The following MEF2C variants were observed in gnomAD, a reference collection of about 807,000 sequenced individuals.
MEF2C encodes the protein myocyte-specific enhancer factor 2C.
In MEF2C, 6 loss-of-function variants were observed where a neutral mutation model predicts 50.5. The ratio of observed to expected loss-of-function variants is 0.12; its 90% CI spans 0.07 to 0.23. The LOEUF is 0.23. MEF2C is among the 10% of genes least tolerant of loss of function. The probability of loss-of-function intolerance (pLI) is 1.00; values close to 1 mark genes in which losing one functional copy is unlikely to be tolerated. For synonymous variants in MEF2C, 183 were observed against 228.0 expected (o/e 0.80, Z 1.78); for missense variants, 276 against 605.0 (o/e 0.46, Z 5.70).
intron 3 of MEF2C, among the ~76,000 whole-genome samples, chr5:88,770,391 C>A (rs1781856797): frequency 6.6e-6 from 1 of 152,058 alleles, no homozygotes; most frequent in Non-Finnish European, 1.5e-5. Flanking sequence ...TTGTAAATGC[C>A]TTTTTATTCA....
At chr5:88,794,977 C>A (rs573233724) in intron 3 of MEF2C, among the ~76,000 whole-genome samples, 1 of 151,984 alleles carries the variant, frequency 6.6e-6, no homozygotes, top group Admixed American at 6.6e-5. Context: ...ATTTCTGAGG[C>A]CTCTGTTCTG....
At chr5:88,880,025 C>T (rs534843766) in intron 1 of MEF2C, among the ~76,000 whole-genome samples, 1 of 149,378 alleles carries the variant, frequency 6.7e-6, no homozygotes, top group Non-Finnish European at 1.5e-5. Context: ...GGTGAACAGT[C>T]AAGCTTTACT....
intron 1 of MEF2C, among the ~76,000 whole-genome samples, chr5:88,860,889 A>C (rs1825270584): frequency 6.6e-6 from 1 of 152,164 alleles, no homozygotes; most frequent in Non-Finnish European, 1.5e-5. Context: ...TCTGGCTAAT[A>C]CCCAAACTAA....
At chr5:88,809,853 G>A (rs992259245) in intron 2 of MEF2C, among the ~76,000 whole-genome samples, 2 of 152,096 alleles carry the variant, frequency 1.3e-5, no homozygotes, top group African/African-American at 4.8e-5. Context: ...GTAAGGGTTA[G>A]TTTAAATGCC....
chr5:88,738,710 C>A, intron 6 of MEF2C: 2 of 985,318 alleles, frequency 2.0e-6, no homozygotes, highest in Non-Finnish European at 2.4e-6. Context: ...CAACTAGGGA[C>A]AGGACAGTCA....
At chr5:88,801,588 G>T (rs1219327877) in intron 3 of MEF2C, among the ~76,000 whole-genome samples, 1 of 151,352 alleles carries the variant, frequency 6.6e-6, no homozygotes, top group Non-Finnish European at 1.5e-5. Flanking sequence ...TCCCTCCCGT[G>T]TTCAGGCCAT....
intron 3 of MEF2C, among the ~76,000 whole-genome samples, chr5:88,784,804 A>C (rs147733333): frequency 2.0e-5 from 3 of 152,308 alleles, no homozygotes; most frequent in Non-Finnish European, 4.4e-5. Context: ...TCTAGGTTGA[A>C]AATGGTTTCG....
At chr5:88,790,097 T>C (rs1793004151) in intron 3 of MEF2C, among the ~76,000 whole-genome samples, 1 of 152,168 alleles carries the variant, frequency 6.6e-6, no homozygotes, top group Non-Finnish European at 1.5e-5. Flanking sequence ...GGGCACACAC[T>C]AAGGAGTGAA....
At chr5:88,765,877 G>A (rs937768232) in intron 3 of MEF2C, among the ~76,000 whole-genome samples, 1 of 152,202 alleles carries the variant, frequency 6.6e-6, no homozygotes, top group Non-Finnish European at 1.5e-5. Flanking sequence ...TAAATCTTGA[G>A]CAAGCCTGTA....
In MEF2C at chr5:88,718,174, C is replaced by A. The variant is rs985844225; in HGVS notation, c.*4430G>T. ...GTGGCATAAGCTGCTTTTTAAAAAA[C>A]ACAATAAAATTGAATAAATTTAAAC... On this transcript the variant is annotated 3_prime_UTR_variant, in exon 11 of 11. Transcript: ENST00000504921. 13 of 152,138 alleles carry A rather than the reference C, an allele frequency of 8.5e-5. No individual in the cohort carries two copies. Among genetic ancestry groups the A allele is most frequent in the African/African-American group, 3.1e-4 (13 of 41,434 alleles). The allele number at this position is 152,138 out of a possible 1,614,324, so 9.4% of individuals were successfully genotyped here.
chr5:88,742,507 T>C (rs898289000), intron 6 of MEF2C: 32 of 979,354 alleles, frequency 3.3e-5, no homozygotes, highest in African/African-American at 1.4e-4. Context: ...ACTGTAGATA[T>C]AGAAGGATAG....
intron 1 of MEF2C, among the ~76,000 whole-genome samples, chr5:88,903,404 T>C (rs1251279988): frequency 2.0e-5 from 3 of 151,876 alleles, no homozygotes; most frequent in African/African-American, 7.2e-5. Context: ...ATGCAATGTA[T>C]GCTTTAAAAA....
At chr5:88,780,412 C>A (rs927808617) in intron 3 of MEF2C, among the ~76,000 whole-genome samples, 6 of 152,152 alleles carry the variant, frequency 3.9e-5, no homozygotes, top group African/African-American at 1.4e-4. Context: ...TCTTGAAAAT[C>A]TTCAGAGTGT....
At chr5:88,836,371 C>T (rs1815097517) in intron 1 of MEF2C, among the ~76,000 whole-genome samples, 1 of 151,892 alleles carries the variant, frequency 6.6e-6, no homozygotes, top group Admixed American at 6.6e-5. Flanking sequence ...ATTTGCTTCA[C>T]CCTCCAAAAC....
intron 1 of MEF2C, among the ~76,000 whole-genome samples, chr5:88,846,123 G>A (rs964089556): frequency 2.0e-5 from 3 of 146,836 alleles, no homozygotes; most frequent in Admixed American, 6.8e-5. Context: ...GCTGGAGTGC[G>A]GTGGCGCAAT....
chr5:88,847,449 A>G (rs1819728864), intron 1 of MEF2C, among the ~76,000 whole-genome samples: 2 of 152,194 alleles, frequency 1.3e-5, no homozygotes, highest in Admixed American at 1.3e-4. Flanking sequence ...TCAATTTTCA[A>G]TTTGCTATCA....
chr5:88,834,944 C>A (rs931689685), intron 1 of MEF2C, among the ~76,000 whole-genome samples: 2 of 152,110 alleles, frequency 1.3e-5, no homozygotes, highest in African/African-American at 4.8e-5. Context: ...AAACTTGCTT[C>A]CTTCACTGAT....
At chr5:88,726,478 G>A (rs981340848) in intron 10 of MEF2C, among the ~76,000 whole-genome samples, 1 of 152,070 alleles carries the variant, frequency 6.6e-6, no homozygotes, top group Non-Finnish European at 1.5e-5. Context: ...CTTTCAAAAA[G>A]CTACTCTGTG....
intron 1 of MEF2C, among the ~76,000 whole-genome samples, chr5:88,833,052 T>G (rs1463241004): frequency 6.6e-6 from 1 of 152,090 alleles, no homozygotes; most frequent in Non-Finnish European, 1.5e-5. Flanking sequence ...CAAAGAAAAA[T>G]GAAAATACAA....
Sources: allele counts gnomAD v4.1 joint callset (sites outside exome capture counted in the v4.1 genomes callset), GRCh38; gene constraint gnomAD v4.1.1; transcripts MANE v1.5; gene names NCBI Gene and HGNC (gene_info 2026-07-23, HGNC 2026-07-21).